IQUB: variants seen among roughly 807,000 people sequenced by gnomAD.
IQUB encodes the protein IQ motif and ubiquitin-like domain-containing protein.
IQUB carries 86 observed loss-of-function variants against 86.4 expected under a neutral mutation model. The observed-to-expected ratio is 1.00, with a 90% CI of 0.84 to 1.19. IQUB has a LOEUF of 1.19. Ranked by LOEUF, IQUB falls within the 50% of genes most tolerant of loss-of-function variation. The pLI is 0.00. For missense variants in IQUB, 946 were observed against 916.9 expected (o/e 1.03, Z -0.41); for synonymous variants, 289 against 304.5 (o/e 0.95, Z 0.53).
chr7:123,460,362 C>T (rs1398285905), intron 11 of IQUB, among the ~76,000 whole-genome samples: 1 of 151,782 alleles, frequency 6.6e-6, no homozygotes, highest in Non-Finnish European at 1.5e-5. Context: ...AGTTTGAAAG[C>T]TATGGATTTA....
intron 1 of IQUB, among the ~76,000 whole-genome samples, chr7:123,518,538 C>G (rs918141176): frequency 6.6e-6 from 1 of 152,148 alleles, no homozygotes; most frequent in African/African-American, 2.4e-5. Context: ...TTTACCATAT[C>G]TAGGGCTGAT....
chr7:123,493,725 G>C lies in IQUB; in HGVS notation c.1234+2971C>G, dbSNP rs1333199701. ...TAGGTTTACACCCTGAGAGAAATGTGTGTGTATGTGTGTGTGTGTGTGTGT... is the reference window on the plus strand; with the variant it reads ...TAGGTTTACACCCTGAGAGAAATGTCTGTGTATGTGTGTGTGTGTGTGTGT... On this transcript the variant is annotated intron_variant, in intron 7 of 12. Coordinates refer to ENST00000324698, the MANE Select transcript of IQUB (RefSeq NM_178827.5). Among the ~76,000 whole-genome samples, 8 of 130,700 alleles carry C rather than the reference G, an allele frequency of 6.1e-5. No homozygotes were observed. The South Asian group carries it at 1.9e-3, about 31-fold the overall frequency. 85.7% of individuals were successfully genotyped at this position (130,700 alleles called of 152,430 possible).
intron 1 of IQUB, among the ~76,000 whole-genome samples, chr7:123,523,384 T>G (rs868632757): frequency 6.7e-6 from 1 of 150,176 alleles, no homozygotes; most frequent in African/African-American, 2.5e-5. Context: ...GACTTTTTAA[T>G]GATTGCCATT....
intron 1 of IQUB, among the ~76,000 whole-genome samples, chr7:123,532,076 A>G (rs1233540267): frequency 2.6e-5 from 4 of 152,214 alleles, no homozygotes; most frequent in Non-Finnish European, 4.4e-5. Context: ...GTTAATTCTT[A>G]CAGTTGATAA....
intron 7 of IQUB, among the ~76,000 whole-genome samples, chr7:123,493,732 TGTGTG>T (rs1562855209): frequency 0.01 from 109 of 10,608 alleles, 1 homozygote; most frequent in African/African-American, 0.028. Context: ...TGTGTGTGTA[TGTGTG>T]TGTGTGTGTG....
intron 8 of IQUB, among the ~76,000 whole-genome samples, chr7:123,470,906 T>C (rs1450195129): frequency 1.3e-5 from 2 of 151,968 alleles, no homozygotes; most frequent in Non-Finnish European, 1.5e-5. Flanking sequence ...GGAATTTTAG[T>C]TGTAACATCA....
At chr7:123,494,541 A>G (rs918507534) in intron 7 of IQUB, among the ~76,000 whole-genome samples, 2 of 151,950 alleles carry the variant, frequency 1.3e-5, no homozygotes, top group East Asian at 3.8e-4. Context: ...AACTAGAAAA[A>G]CCCGAAAGAT....
At chr7:123,499,486 A>G (rs143968508) in intron 6 of IQUB, among the ~76,000 whole-genome samples, 2 of 152,284 alleles carry the variant, frequency 1.3e-5, no homozygotes, top group African/African-American at 4.8e-5. Flanking sequence ...AAAACATAAT[A>G]GAGGTATATT....
In IQUB at chr7:123,496,899, A is replaced by T. The variant is rs200263509; in HGVS notation, c.1031T>A (p.Val344Glu). 1.4e-5 allele frequency: 23 copies of T among 1,600,348 alleles called. No individual in the cohort carries two copies. The East Asian group carries it at 4.9e-4, about 34-fold the overall frequency. ...CCATTGCCTGTAGTAAGTCTGTATCACTATCACCTATAGTTAAATTAAAAG... is the reference window on the plus strand; with the variant it reads ...CCATTGCCTGTAGTAAGTCTGTATCTCTATCACCTATAGTTAAATTAAAAG... Reference protein sequence around the residue: ...YHAQRLKAVIVIQTYYRQWHA... With the variant: ...YHAQRLKAVIEIQTYYRQWHA... The change falls in exon 7 of 13, where the codon GTG becomes GAG. Residue 344 changes from valine (V) to glutamate (E), a missense_variant. Transcript: ENST00000324698.
intron 3 of IQUB, among the ~76,000 whole-genome samples, chr7:123,508,573 A>G (rs930187297): frequency 2.0e-5 from 3 of 152,206 alleles, no homozygotes; most frequent in Non-Finnish European, 4.4e-5. Context: ...CCTGTTACCC[A>G]GTGGTGATGC....
chr7:123,495,078 C>A (rs1024428603), intron 7 of IQUB, among the ~76,000 whole-genome samples: 5 of 152,180 alleles, frequency 3.3e-5, no homozygotes, highest in Admixed American at 2.6e-4. Context: ...GAAGTACTGA[C>A]ACTTAATAAT....
chr7:123,514,686 G>A (rs945028725), intron 1 of IQUB, among the ~76,000 whole-genome samples: 3 of 151,996 alleles, frequency 2.0e-5, no homozygotes, highest in East Asian at 3.9e-4. Context: ...CTTTTATTGA[G>A]GCCATCACCC....
chr7:123,461,283 C>A, intron 11 of IQUB, 74 bp downstream of exon 11: 3 of 1,411,106 alleles, frequency 2.1e-6, no homozygotes, highest in Non-Finnish European at 2.9e-6. Flanking sequence ...CACACACACA[C>A]AAACATACAT....
At chr7:123,527,485 G>A (rs1403827315) in intron 1 of IQUB, among the ~76,000 whole-genome samples, 1 of 152,182 alleles carries the variant, frequency 6.6e-6, no homozygotes, top group East Asian at 1.9e-4. Flanking sequence ...ATGTACAGAT[G>A]GGTTTTTGGT....
chr7:123,498,280 C>T (rs56408669), intron 6 of IQUB, among the ~76,000 whole-genome samples: 25,547 of 151,794 alleles, frequency 0.17, 2,373 homozygotes, highest in South Asian at 0.26. Flanking sequence ...ATCAGAAACT[C>T]CTGGGTAAGC....
At chr7:123,507,656 T>C (rs527401046) in intron 3 of IQUB, among the ~76,000 whole-genome samples, 2 of 152,184 alleles carry the variant, frequency 1.3e-5, no homozygotes, top group South Asian at 4.1e-4. Flanking sequence ...GGGTGGATCA[T>C]GAGGTCAGGA....
chr7:123,529,380 G>C (rs1298810115), intron 1 of IQUB, among the ~76,000 whole-genome samples: 2 of 151,046 alleles, frequency 1.3e-5, no homozygotes, highest in African/African-American at 4.9e-5. Flanking sequence ...CGATTCTGCC[G>C]CATTCTTTTC....
intron 7 of IQUB, among the ~76,000 whole-genome samples, chr7:123,481,627 A>G (rs1795006751): frequency 6.6e-6 from 1 of 152,138 alleles, no homozygotes; most frequent in Non-Finnish European, 1.5e-5. Flanking sequence ...TCTGCTTCTC[A>G]TCTCAGAAAG....
intron 7 of IQUB, among the ~76,000 whole-genome samples, chr7:123,481,883 GT>G (rs1467006795): frequency 2.0e-5 from 3 of 152,118 alleles, no homozygotes; most frequent in South Asian, 2.1e-4. Flanking sequence ...AAGCGTAACA[GT>G]TATGTTTAAA....
Sources: allele counts gnomAD v4.1 joint callset (sites outside exome capture counted in the v4.1 genomes callset), GRCh38; gene constraint gnomAD v4.1.1; transcripts MANE v1.5; gene names NCBI Gene and HGNC (gene_info 2026-07-23, HGNC 2026-07-21).